FBXW10: variants seen among roughly 807,000 people sequenced by gnomAD.
FBXW10 encodes the protein F-box and WD repeat domain containing 10.
Under a neutral mutation model 113.1 loss-of-function variants are expected in FBXW10, and 68 were observed. The observed-to-expected ratio is 0.60, with a 90% CI of 0.49 to 0.74. The LOEUF is 0.74. FBXW10 is among the 30% of genes least tolerant of loss of function. The pLI is 0.00. For missense variants in FBXW10, 753 were observed against 1,284.5 expected (o/e 0.59, Z 6.32); for synonymous variants, 289 against 481.6 (o/e 0.60, Z 5.24).
intron 12 of FBXW10, among the ~76,000 whole-genome samples, chr17:18,772,928 CTTTTT>C (rs940811811): frequency 7.4e-6 from 1 of 135,642 alleles, no homozygotes; most frequent in African/African-American, 2.7e-5. Context: ...TTCTTTCTTT[CTTTTT>C]TTTTTTTTTT....
In FBXW10 at chr17:18,751,001, A is replaced by G. The variant is rs1475371955; in HGVS notation, c.1070A>G (p.Asp357Gly). Reference protein sequence around the residue: ...KVSIPVPKMVDDGKSMRVKHP... With the variant: ...KVSIPVPKMVGDGKSMRVKHP... ...TCTATCCCAGTTCCTAAAATGGTAG[A>G]TGACGGGAAGAGCATGCGTGTGAAA... Residue 357 changes from aspartate (D) to glycine (G), a missense_variant, in exon 5 of 14, where the codon GAT becomes GGT. By Grantham distance (94) the Asp-to-Gly change is moderately conservative. Transcript: ENST00000395665. 2.5e-6 allele frequency: 4 copies of G among 1,614,040 alleles called. No homozygotes were observed. In the Admixed American group the frequency reaches 5.0e-5, roughly 20 times the overall value.
At chr17:18,770,631 T>C (rs560619643) in intron 11 of FBXW10, among the ~76,000 whole-genome samples, 307 of 152,132 alleles carry the variant, frequency 2.0e-3, no homozygotes, top group African/African-American at 7.2e-3. Context: ...TCCTAGGTGT[T>C]TGTGGGAATT....
rs373654877 is a variant in FBXW10, at chr17:18,758,404, G to T, written c.1332G>T (p.Ala444=). Residue 444 remains alanine (A), a synonymous_variant, in exon 7 of 14, where the codon GCG becomes GCT. Coordinates refer to ENST00000395665, the MANE Select transcript of FBXW10 (RefSeq NM_001267585.2). Reference sequence around the variant, plus strand: ...TTCTGGACATCATACAAGTGAAAGCGATACCCGTTGAATTCCGAGGCCATG... The same window carrying T: ...TTCTGGACATCATACAAGTGAAAGCTATACCCGTTGAATTCCGAGGCCATG... ...IHLLDIIQVK[A]IPVEFRGHAG... 6.2e-7 allele frequency: 1 copy of T among 1,610,602 alleles called. No individual in the cohort carries two copies. Among genetic ancestry groups the T allele is most frequent in the Non-Finnish European group, 8.5e-7 (1 of 1,178,490 alleles).
chr17:18,778,622 C>A lies in FBXW10; in HGVS notation c.2483C>A (p.Ser828Tyr), dbSNP rs1335097072. The change falls in exon 14 of 14, where the codon TCC (serine) becomes TAC (tyrosine). Residue 828 changes from serine (S) to tyrosine (Y), a missense_variant. Ser to Tyr is a moderately radical substitution (Grantham distance 144). Transcript: ENST00000395665. ...AGCGCCCTGCAGCACGCCCATAATTCCGGGGAATTTGCCTATCCCTGTAGG... is the reference window on the plus strand; with the variant it reads ...AGCGCCCTGCAGCACGCCCATAATTACGGGGAATTTGCCTATCCCTGTAGG... Reference protein sequence around the residue: ...TVSALQHAHNSGEFAYPCRPQ... With the variant: ...TVSALQHAHNYGEFAYPCRPQ... The A allele has an allele frequency of 6.2e-7, 1 of 1,613,794 alleles. No individual in the cohort carries two copies. The highest frequency in any genetic ancestry group is 8.5e-7 in the Non-Finnish European group (1 of 1,179,872).
In FBXW10 at chr17:18,769,992, G is replaced by T; in HGVS notation, c.1913G>T (p.Arg638Leu). The stretch of plus-strand genomic sequence containing the variant: ...AGCGCCTGTGCAGATGGCAAGATCC[G>T]AATTTACAATTTCCTCAACGGGAAC... ...VISACADGKIRIYNFLNGNCM... is the reference protein window; with the variant it reads ...VISACADGKILIYNFLNGNCM... Residue 638 changes from arginine to leucine, a missense_variant, in exon 11 of 14, where the codon CGA becomes CTA. Transcript: ENST00000395665. 1 of 1,614,148 alleles carries T rather than the reference G, an allele frequency of 6.2e-7. No homozygotes were observed. The highest frequency in any genetic ancestry group is 8.5e-7 in the Non-Finnish European group (1 of 1,180,028).
At chr17:18,752,237 A>G (rs2151796185) in intron 5 of FBXW10, among the ~76,000 whole-genome samples, 1 of 152,178 alleles carries the variant, frequency 6.6e-6, no homozygotes, top group East Asian at 1.9e-4. Flanking sequence ...CCTGCATCTG[A>G]AGGGCCAGCT....
intron 5 of FBXW10, among the ~76,000 whole-genome samples, chr17:18,755,282 C>A (rs551419389): frequency 6.6e-6 from 1 of 151,628 alleles, no homozygotes; most frequent in African/African-American, 2.4e-5. Flanking sequence ...TGCGGCCGGG[C>A]CTGGTGGCTC....
In FBXW10 at chr17:18,758,499, G is replaced by GT. The variant is rs770529003; in HGVS notation, c.1428dup (p.Ile477TyrfsTer29). 3.1e-6 allele frequency: 5 copies of GT among 1,613,372 alleles called. No individual in the cohort carries two copies. The South Asian group carries it at 5.5e-5, about 18-fold the overall frequency. On this transcript the variant is annotated frameshift_variant, in exon 7 of 14. Coordinates refer to ENST00000395665, the MANE Select transcript of FBXW10 (RefSeq NM_001267585.2). LOFTEE classifies it high-confidence loss of function. ...CTCCTAAGCGGGAGCTATGACCTAAGTATCAGGTGAGGAGTCCAAAGGCAT... is the reference window on the plus strand; with the variant it reads ...CTCCTAAGCGGGAGCTATGACCTAAGTTATCAGGTGAGGAGTCCAAAGGCAT...
rs1193883234 is a variant in FBXW10 at position 18,772,611 on chromosome 17, G to A, written c.2206G>A (p.Val736Met). The A allele has an allele frequency of 2.5e-6, 4 of 1,614,046 alleles. No individual in the cohort carries two copies. The East Asian group carries it at 6.7e-5, about 27-fold the overall frequency. The change falls in exon 12 of 14, where the codon GTG (valine) becomes ATG (methionine). Residue 736 changes from valine to methionine, a missense_variant. Coordinates refer to ENST00000395665, the MANE Select transcript of FBXW10 (RefSeq NM_001267585.2). ...PRESVSSKQT[V>M]IQELLPGKPP... ...AGAGTCTGTATCCAGTAAACAAACT[G>A]TGATCCAAGAGCTCCTACCAGGCAA... is the stretch of plus-strand genomic sequence containing the variant.
At chr17:18,746,452 G>A (rs922620270) in intron 1 of FBXW10, among the ~76,000 whole-genome samples, 10 of 152,068 alleles carry the variant, frequency 6.6e-5, no homozygotes, top group Admixed American at 6.6e-4. Flanking sequence ...TCACCAGTGC[G>A]ACCTGACAGG....
chr17:18,772,433 C>T lies in FBXW10; in HGVS notation c.2028C>T (p.Ser676=). The change falls in exon 12 of 14, where the codon AGC becomes AGT. Residue 676 remains serine (S), a synonymous_variant. Coordinates refer to ENST00000395665, the MANE Select transcript of FBXW10 (RefSeq NM_001267585.2). ...CCAGGATGGTGGTCAACACAGAGAGCAATGTTCTCATGTTCCAGTTTGAGC... is the reference window on the plus strand; with the variant it reads ...CCAGGATGGTGGTCAACACAGAGAGTAATGTTCTCATGTTCCAGTTTGAGC... ...QGNRMVVNTE[S]NVLMFQFEHI... is the part of the protein sequence containing the mutation. 1 of 1,613,940 alleles carries T rather than the reference C, an allele frequency of 6.2e-7. No individual in the cohort carries two copies. The highest frequency in any genetic ancestry group is 1.1e-5 in the South Asian group (1 of 91,056).
intron 7 of FBXW10, among the ~76,000 whole-genome samples, chr17:18,763,155 A>G (rs2035419245): frequency 6.6e-6 from 1 of 151,718 alleles, no homozygotes; most frequent in Non-Finnish European, 1.5e-5. Flanking sequence ...TGAAGTAAGT[A>G]CAATTTTTTT....
intron 10 of FBXW10, 50 bp from the exon 11 acceptor site, chr17:18,769,877 A>G (rs2035576575): frequency 1.3e-6 from 2 of 1,593,464 alleles, no homozygotes; most frequent in Admixed American, 1.8e-5. Flanking sequence ...AAACAAACCC[A>G]GGCATTTTAC....
In FBXW10 at chr17:18,772,478, C is replaced by A. The variant is rs763100987; in HGVS notation, c.2073C>A (p.Ala691=). 6.2e-7 allele frequency: 1 copy of A among 1,613,352 alleles called. No homozygotes were observed. The highest frequency in any genetic ancestry group is 1.3e-5 in the African/African-American group (1 of 74,750). ...FQFEHIKWQY[A]VEKTKQKKNK... is the part of the protein sequence containing the mutation. ...TTGAGCACATAAAGTGGCAGTATGCCGTGGAAAAAACGAAACAAAAGAAGA... is the reference window on the plus strand; with the variant it reads ...TTGAGCACATAAAGTGGCAGTATGCAGTGGAAAAAACGAAACAAAAGAAGA... Residue 691 remains alanine, a synonymous_variant, in exon 12 of 14, where the codon GCC becomes GCA. Coordinates refer to ENST00000395665, the MANE Select transcript of FBXW10 (RefSeq NM_001267585.2).
At position 18,749,927 on chromosome 17, in the gene FBXW10, G is replaced by T; in HGVS notation, c.871+5G>T. 6.2e-7 allele frequency: 1 copy of T among 1,613,726 alleles called. No individual in the cohort carries two copies. Among genetic ancestry groups the T allele is most frequent in the Non-Finnish European group, 8.5e-7 (1 of 1,179,904 alleles). On this transcript the variant is annotated splice_donor_5th_base_variant and intron_variant, in intron 3 of 13. Transcript: ENST00000395665. ...ACCTCTCCAAGTACATTCTAAGTAT[G>T]CTGGGGTGTATGAGGGGATTTCCCA...
rs1597603227 is a variant in FBXW10 at position 18,770,103 on chromosome 17, A to C, written c.2006+18A>C. 1.9e-6 allele frequency: 3 copies of C among 1,612,938 alleles called. No homozygotes were observed. The East Asian group carries it at 6.7e-5, about 36-fold the overall frequency. On this transcript the variant is annotated intron_variant, in intron 11 of 13. Transcript: ENST00000395665. ...GGCAACAGGTGGGTGGTAGGTGTGG[A>C]GGTCAGAACTGTGAGTGATTCTGTT...
At chr17:18,751,366 C>T (rs2035167333) in intron 5 of FBXW10, among the ~76,000 whole-genome samples, 1 of 152,006 alleles carries the variant, frequency 6.6e-6, no homozygotes, top group South Asian at 2.1e-4. Flanking sequence ...GCTGGGACTA[C>T]AGGAGCCCGC....
chr17:18,764,403 T>C (rs1266780813), intron 7 of FBXW10, among the ~76,000 whole-genome samples: 2 of 152,088 alleles, frequency 1.3e-5, no homozygotes, highest in African/African-American at 4.8e-5. Context: ...GGTTTCACCA[T>C]GTTGGCCAGT....
At chr17:18,752,078 C>A (rs1221311828) in intron 5 of FBXW10, among the ~76,000 whole-genome samples, 4 of 152,124 alleles carry the variant, frequency 2.6e-5, no homozygotes, top group Admixed American at 2.6e-4. Context: ...CATAAGGCAG[C>A]TATGTTAAAT....
Sources: gnomAD v4.1 joint callset for allele counts (sites outside exome capture counted in the v4.1 genomes callset) on GRCh38, gnomAD v4.1.1 for gene constraint, MANE v1.5 for transcripts, NCBI Gene and HGNC (gene_info 2026-07-23, HGNC 2026-07-21) for gene names.